NCAM2: variants seen among roughly 807,000 people sequenced by gnomAD.
NCAM2 encodes the protein N-CAM-2.
A neutral mutation model predicts 98.1 loss-of-function variants in NCAM2; 30 were observed. That is an observed-to-expected ratio of 0.31 (90% confidence interval 0.23 to 0.41). The LOEUF (loss-of-function observed/expected upper bound fraction) is 0.41. Among genes scored for constraint, NCAM2 ranks in the 10% least tolerant of loss-of-function variants. The pLI is 1.00. For synonymous variants in NCAM2, 368 were observed against 342.4 expected (o/e 1.07, Z -0.83); for missense variants, 867 against 1,005.8 (o/e 0.86, Z 1.87).
intron 5 of NCAM2, among the ~76,000 whole-genome samples, chr21:21,305,945 C>T (rs1316777430): frequency 1.3e-5 from 2 of 152,068 alleles, no homozygotes; most frequent in Non-Finnish European, 2.9e-5. Flanking sequence ...ATTGCATATA[C>T]ATTGCCATTC....
chr21:21,121,366 A>G (rs1314093112), intron 1 of NCAM2, among the ~76,000 whole-genome samples: 2 of 152,164 alleles, frequency 1.3e-5, no homozygotes, highest in Non-Finnish European at 2.9e-5. Context: ...ACATTAACTG[A>G]TGTCAAGGAG....
chr21:21,069,006 G>A (rs2065502267), intron 1 of NCAM2, among the ~76,000 whole-genome samples: 1 of 152,110 alleles, frequency 6.6e-6, no homozygotes, highest in Admixed American at 6.6e-5. Flanking sequence ...TTTCCAAAGG[G>A]ATGCAATTTC....
chr21:21,086,046 A>G (rs1342300205), intron 1 of NCAM2, among the ~76,000 whole-genome samples: 2 of 152,232 alleles, frequency 1.3e-5, no homozygotes, highest in Admixed American at 6.5e-5. Context: ...TTTCACTTGC[A>G]GTATAACCTT....
At chr21:21,503,943 T>G (rs1987801700) in intron 15 of NCAM2, among the ~76,000 whole-genome samples, 1 of 151,930 alleles carries the variant, frequency 6.6e-6, no homozygotes, top group Non-Finnish European at 1.5e-5. Flanking sequence ...AGAGGAAGCT[T>G]AAAGCAGAAA....
chr21:21,480,265 G>A (rs1341098132), intron 15 of NCAM2, among the ~76,000 whole-genome samples: 2 of 151,206 alleles, frequency 1.3e-5, no homozygotes, highest in Non-Finnish European at 2.9e-5. Context: ...TACTCGGGAG[G>A]CTGAGGCAGG....
intron 16 of NCAM2, among the ~76,000 whole-genome samples, chr21:21,533,648 G>GTT (rs71734481): frequency 8.7e-5 from 12 of 137,874 alleles, no homozygotes; most frequent in Admixed American, 1.4e-4. Flanking sequence ...CCCTTCTTTA[G>GTT]TTTTTTTTTT....
intron 1 of NCAM2, among the ~76,000 whole-genome samples, chr21:21,115,418 A>G (rs2146541951): frequency 6.6e-6 from 1 of 152,250 alleles, no homozygotes; most frequent in South Asian, 2.1e-4. Flanking sequence ...TAAAACATTA[A>G]AATCTACCAG....
rs1319660093 is a variant in NCAM2, at chr21:21,538,522, A to T, written c.*565A>T. On this transcript the variant is annotated 3_prime_UTR_variant, in exon 18 of 18. Transcript: ENST00000400546. ...AAAAATTGAAAACTTTGGAGAACTCATTTCAAGTTATGATTCAGTGCATTT... is the reference window on the plus strand; with the variant it reads ...AAAAATTGAAAACTTTGGAGAACTCTTTTCAAGTTATGATTCAGTGCATTT... 1 of 152,610 alleles carries T rather than the reference A, an allele frequency of 6.6e-6. No homozygotes were observed. The highest frequency in any genetic ancestry group is 1.5e-5 in the Non-Finnish European group (1 of 68,024). 9.5% of individuals were successfully genotyped at this position (152,610 alleles called of 1,614,324 possible).
At chr21:21,064,883 A>G (rs62207567) in intron 1 of NCAM2, among the ~76,000 whole-genome samples, 26,968 of 152,048 alleles carry the variant, frequency 0.18, 2,606 homozygotes, top group Non-Finnish European at 0.19. Flanking sequence ...CTAGGGTTAA[A>G]AGTCTCACTT....
chr21:21,192,721 A>G (rs993523048), intron 1 of NCAM2, among the ~76,000 whole-genome samples: 1 of 152,164 alleles, frequency 6.6e-6, no homozygotes, highest in African/African-American at 2.4e-5. Context: ...AAAAAACAAA[A>G]CAAACAAAAC....
chr21:21,215,237 G>A lies in NCAM2; in HGVS notation c.56-65341G>A, dbSNP rs1459844163. Among the ~76,000 whole-genome samples, 5 of 152,176 alleles carry A rather than the reference G, an allele frequency of 3.3e-5. No homozygotes were observed. The East Asian group carries it at 5.8e-4, about 18-fold the overall frequency. On this transcript the variant is annotated intron_variant, in intron 1 of 17. Coordinates refer to ENST00000400546, the MANE Select transcript of NCAM2 (RefSeq NM_004540.5). ...GTGCTTATCATTATGCAAAGAGTAA[G>A]GCATACTGCATCAGAACCTTTCAGA...
At chr21:21,004,931 A>G (rs1253869266) in intron 1 of NCAM2, among the ~76,000 whole-genome samples, 2 of 152,186 alleles carry the variant, frequency 1.3e-5, no homozygotes, top group Non-Finnish European at 2.9e-5. Context: ...AAGGGCTTCA[A>G]TATAGTGAGA....
chr21:21,246,249 A>T lies in NCAM2; in HGVS notation c.56-34329A>T, dbSNP rs918292315. Reference sequence around the variant, plus strand: ...ATCTGGGAAGTGAACTGTCCAAATGATATCCTGACTGCAAGCTCATGAGCT... The same window carrying T: ...ATCTGGGAAGTGAACTGTCCAAATGTTATCCTGACTGCAAGCTCATGAGCT... On this transcript the variant is annotated intron_variant, in intron 1 of 17. Coordinates refer to ENST00000400546, the MANE Select transcript of NCAM2 (RefSeq NM_004540.5). Among the ~76,000 whole-genome samples the T allele has an allele frequency of 3.3e-5, 5 of 152,088 alleles. No homozygotes were observed. The South Asian group carries it at 1.0e-3, about 32-fold the overall frequency.
intron 2 of NCAM2, among the ~76,000 whole-genome samples, chr21:21,281,824 A>T (rs967019708): frequency 7.9e-5 from 12 of 151,826 alleles, no homozygotes; most frequent in Non-Finnish European, 1.6e-4. Context: ...TTGTCTTGAG[A>T]ATGACATGAT....
At chr21:21,320,239 C>T (rs2074340624) in intron 5 of NCAM2, among the ~76,000 whole-genome samples, 1 of 152,144 alleles carries the variant, frequency 6.6e-6, no homozygotes, top group South Asian at 2.1e-4. Context: ...TATACCAAAT[C>T]AGTTGACACT....
intron 8 of NCAM2, among the ~76,000 whole-genome samples, chr21:21,368,502 A>G (rs575630851): frequency 1.3e-5 from 2 of 151,986 alleles, no homozygotes; most frequent in South Asian, 4.1e-4. Context: ...GCTTATAAAC[A>G]ACAGAAATTT....
intron 1 of NCAM2, among the ~76,000 whole-genome samples, chr21:21,129,947 T>C (rs1427329709): frequency 6.6e-6 from 1 of 152,190 alleles, no homozygotes; most frequent in Admixed American, 6.5e-5. Context: ...CATTATTTTT[T>C]GCCTGGGATA....
intron 1 of NCAM2, among the ~76,000 whole-genome samples, chr21:21,221,711 A>G (rs2070175270): frequency 1.3e-5 from 2 of 152,200 alleles, no homozygotes; most frequent in Admixed American, 1.3e-4. Context: ...AAAAGAAGCC[A>G]TCTTCATAAA....
chr21:21,491,238 A>G (rs138054434), intron 15 of NCAM2, among the ~76,000 whole-genome samples: 329 of 151,940 alleles, frequency 2.2e-3, no homozygotes, highest in African/African-American at 7.5e-3. Context: ...GTGTCTTCAT[A>G]AAAACATCGA....
Sources: allele counts gnomAD v4.1 joint callset (sites outside exome capture counted in the v4.1 genomes callset), GRCh38; gene constraint gnomAD v4.1.1; transcripts MANE v1.5; gene names NCBI Gene and HGNC (gene_info 2026-07-23, HGNC 2026-07-21).